MGA: variants seen among roughly 807,000 people sequenced by gnomAD.
MGA encodes MAX gene-associated protein.
MGA carries 40 observed loss-of-function variants against 261.1 expected under a neutral mutation model. The ratio of observed to expected loss-of-function variants is 0.15; its 90% CI spans 0.12 to 0.20. The LOEUF (loss-of-function observed/expected upper bound fraction) is 0.20. Among genes scored for constraint, MGA ranks in the 10% least tolerant of loss-of-function variants. MGA has a pLI of 1.00. For synonymous variants in MGA, 1,302 were observed against 1,290.6 expected (o/e 1.01, Z -0.19); for missense variants, 3,397 against 3,630.5 (o/e 0.94, Z 1.65).
At chr15:41,659,167 C>T (rs1046176259), upstream of MGA, among the ~76,000 whole-genome samples, 5 of 152,196 alleles carry the variant, frequency 3.3e-5, no homozygotes, top group East Asian at 1.9e-4. Context: ...TCAGAAGTCT[C>T]TAAAGTAGCC....
At chr15:41,659,437 T>C (rs1566938903), upstream of MGA, among the ~76,000 whole-genome samples, 1 of 152,206 alleles carries the variant, frequency 6.6e-6, no homozygotes, top group Non-Finnish European at 1.5e-5. Context: ...CAGTTTTGGA[T>C]CATTGACCAC....
At chr15:41,761,661 A>G in intron 20 of MGA, 78 bp from the exon 21 acceptor site, 1 of 731,562 alleles carries the variant, frequency 1.4e-6, no homozygotes, top group East Asian at 3.2e-5. Flanking sequence ...TTTTTTCATT[A>G]GAGAAATTGT....
At chr15:41,629,775 T>G (rs181474576) in intron 1 of MGA, among the ~76,000 whole-genome samples, 1 of 152,204 alleles carries the variant, frequency 6.6e-6, no homozygotes, top group African/African-American at 2.4e-5. Context: ...TTAGGTCAGC[T>G]AGGGAGTAAA....
At chr15:41,746,818 G>A (rs767231250) in intron 15 of MGA, among the ~76,000 whole-genome samples, 28 of 151,108 alleles carry the variant, frequency 1.9e-4, no homozygotes, top group Non-Finnish European at 3.4e-4. Flanking sequence ...CTCTTCAGTA[G>A]CAGACTTTTT....
chr15:41,660,891 A>G (rs2057358493), intron 1 of MGA, among the ~76,000 whole-genome samples: 1 of 152,012 alleles, frequency 6.6e-6, no homozygotes. Context: ...CCGCGTGACG[A>G]CTTCTCGCCC....
Position 41,718,286 on chromosome 15 carries a change from A to AGTGTGTGT in MGA, c.3430+4799_3430+4806dup, listed in dbSNP as rs536829836. 1.2e-3 allele frequency: 248 copies of AGTGTGTGT among 209,522 alleles called. 1 individual carries two copies. The highest frequency in any genetic ancestry group is 6.0e-3 in the African/African-American group (228 of 38,302). The allele number at this position is 209,522 out of a possible 1,614,324, so 13.0% of individuals were successfully genotyped here. On this transcript the variant is annotated intron_variant, in intron 9 of 23. Coordinates refer to ENST00000219905, the MANE Select transcript of MGA (RefSeq NM_001164273.2). ...ATCTTGATATATGTAGTGTATATGT[A>AGTGTGTGT]GTGTGTGTGTGTGTGTATATATATA... is the stretch of plus-strand genomic sequence containing the variant.
At chr15:41,711,741 G>A (rs34621600) in intron 8 of MGA, among the ~76,000 whole-genome samples, 34,537 of 151,970 alleles carry the variant, frequency 0.23, 4,773 homozygotes, top group Middle Eastern at 0.41. Flanking sequence ...TGTTGCCCAG[G>A]CTGGAGTGCA....
In MGA at chr15:41,748,810, A is replaced by C; in HGVS notation, c.5386A>C (p.Ser1796Arg). The C allele has an allele frequency of 6.2e-7, 1 of 1,613,980 alleles. No homozygotes were observed. Among genetic ancestry groups the C allele is most frequent in the Non-Finnish European group, 8.5e-7 (1 of 1,179,880 alleles). Residue 1796 changes from serine (S) to arginine (R), a missense_variant, in exon 16 of 24, where the codon AGT becomes CGT. This residue lies in a region of MGA where 1,410 missense variants were observed against 1,386.4 expected (regional missense o/e 1.02). Transcript: ENST00000219905. ...GGTCTTGCAGCCTGTTAGGAGTCCA[A>C]GTGGAATGAACTTATTCAGGCACCC...
intron 8 of MGA, among the ~76,000 whole-genome samples, chr15:41,712,496 G>A (rs1305495352): frequency 3.3e-5 from 5 of 152,276 alleles, no homozygotes; most frequent in Non-Finnish European, 1.5e-5. Flanking sequence ...AGGATTACAA[G>A]CATGAGCCAC....
intron 21 of MGA, 110 bp from the exon 22 acceptor site, chr15:41,762,019 A>C (rs2063487327): frequency 1.9e-6 from 2 of 1,062,408 alleles, no homozygotes; most frequent in African/African-American, 3.2e-5. Flanking sequence ...TAATCACCTT[A>C]CTTTCCATAG....
intron 9 of MGA, among the ~76,000 whole-genome samples, chr15:41,724,347 C>T (rs575914050): frequency 6.6e-6 from 1 of 152,238 alleles, no homozygotes; most frequent in Non-Finnish European, 1.5e-5. Context: ...ACACATTTTC[C>T]GTATTCATCA....
intron 1 of MGA, among the ~76,000 whole-genome samples, chr15:41,632,119 T>C (rs1292226605): frequency 6.6e-6 from 1 of 152,184 alleles, no homozygotes; most frequent in Non-Finnish European, 1.5e-5. Context: ...CATACGCAAC[T>C]TGTTTTATCC....
intron 7 of MGA, among the ~76,000 whole-genome samples, chr15:41,710,319 T>G (rs1319955687): frequency 6.6e-6 from 1 of 152,268 alleles, no homozygotes; most frequent in Non-Finnish European, 1.5e-5. Context: ...TGCCCAAGAC[T>G]AGAGAATGGA....
At chr15:41,756,008 C>T (rs1007831227) in intron 18 of MGA, among the ~76,000 whole-genome samples, 2 of 150,966 alleles carry the variant, frequency 1.3e-5, no homozygotes, top group East Asian at 3.9e-4. Context: ...CACAGTGAGA[C>T]TCCATCTCAA....
intron 1 of MGA, among the ~76,000 whole-genome samples, chr15:41,661,685 T>C (rs1438717565): frequency 6.6e-6 from 1 of 152,150 alleles, no homozygotes; most frequent in African/African-American, 2.4e-5. Flanking sequence ...GCGCGTGTTG[T>C]TGTAGAGCTT....
rs1334631390 is a variant in MGA at position 41,739,886 on chromosome 15, C to T, written c.4435-167C>T. 1.2e-6 allele frequency: 2 copies of T among 1,603,400 alleles called. No homozygotes were observed. The highest frequency in any genetic ancestry group is 1.7e-6 in the Non-Finnish European group (2 of 1,173,116). ...AGAGAATTTTATCTTTACAGAATTTCTCTTTGCCACTTGTTTCAGGTTAAT... is the reference window on the plus strand; with the variant it reads ...AGAGAATTTTATCTTTACAGAATTTTTCTTTGCCACTTGTTTCAGGTTAAT... On this transcript the variant is annotated intron_variant, in intron 13 of 23. Coordinates refer to ENST00000219905, the MANE Select transcript of MGA (RefSeq NM_001164273.2).
At chr15:41,650,788 A>G (rs2057027109) in intron 1 of MGA, among the ~76,000 whole-genome samples, 1 of 152,192 alleles carries the variant, frequency 6.6e-6, no homozygotes, top group African/African-American at 2.4e-5. Flanking sequence ...AGTGCAGAGT[A>G]GGGATCTAAA....
At position 41,740,220 on chromosome 15, in the gene MGA, G is replaced by A; in HGVS notation, c.4585+17G>A. 6.2e-7 allele frequency: 1 copy of A among 1,612,106 alleles called. No individual in the cohort carries two copies. Among genetic ancestry groups the A allele is most frequent in the Non-Finnish European group, 8.5e-7 (1 of 1,178,752 alleles). On this transcript the variant is annotated intron_variant, in intron 14 of 23. Transcript: ENST00000219905. ...GGCCAATTGGTAAGTTGGGGTGTATGTATGGTTTGGAAAGGCCTATGACTT... is the reference window on the plus strand; with the variant it reads ...GGCCAATTGGTAAGTTGGGGTGTATATATGGTTTGGAAAGGCCTATGACTT...
chr15:41,740,988 G>A (rs1479402955), intron 14 of MGA, among the ~76,000 whole-genome samples: 4 of 152,176 alleles, frequency 2.6e-5, no homozygotes, highest in Non-Finnish European at 5.9e-5. Flanking sequence ...AGGTAAGAGT[G>A]TCAGTTGAAA....
Sources: gnomAD v4.1 joint callset for allele counts (sites outside exome capture counted in the v4.1 genomes callset) on GRCh38, gnomAD v4.1.1 for gene constraint, gnomAD v4.1.1 regional missense constraint, MANE v1.5 for transcripts, NCBI Gene and HGNC (gene_info 2026-07-23, HGNC 2026-07-21) for gene names.